The following DCC variants were observed in gnomAD, a reference collection of about 807,000 sequenced individuals.
The protein encoded by DCC is DCC netrin 1 receptor, also known as netrin receptor DCC.
Under a neutral mutation model 172.5 loss-of-function variants are expected in DCC, and 58 were observed. That is an observed-to-expected ratio of 0.34 (90% CI 0.27 to 0.42). The LOEUF (loss-of-function observed/expected upper bound fraction) is 0.42. Among genes scored for constraint, DCC ranks in the 10% least tolerant of loss-of-function variants. DCC has a pLI of 1.00. For synonymous variants in DCC, 709 were observed against 644.5 expected (o/e 1.10, Z -1.52); for missense variants, 1,740 against 1,791.0 (o/e 0.97, Z 0.51).
At chr18:53,287,369 T>C (rs1008586267) in intron 12 of DCC, among the ~76,000 whole-genome samples, 1 of 152,236 alleles carries the variant, frequency 6.6e-6, no homozygotes, top group Non-Finnish European at 1.5e-5. Flanking sequence ...TACATTTTGT[T>C]TACCCATTCA....
At chr18:52,375,863 G>T (rs1304679303) in intron 1 of DCC, among the ~76,000 whole-genome samples, 1 of 152,198 alleles carries the variant, frequency 6.6e-6, no homozygotes, top group African/African-American at 2.4e-5. Flanking sequence ...CCCCAGGCTA[G>T]AAAAAGTTTT....
intron 1 of DCC, among the ~76,000 whole-genome samples, chr18:52,425,394 T>C (rs956853089): frequency 6.6e-6 from 1 of 152,114 alleles, no homozygotes; most frequent in Non-Finnish European, 1.5e-5. Flanking sequence ...GTTCCCTACC[T>C]AAACCAGAGC....
intron 2 of DCC, among the ~76,000 whole-genome samples, chr18:52,843,119 C>G (rs1261071186): frequency 1.3e-5 from 2 of 151,988 alleles, no homozygotes; most frequent in East Asian, 3.9e-4. Flanking sequence ...GGAAGAGGTC[C>G]TAGAGAAAGA....
intron 1 of DCC, among the ~76,000 whole-genome samples, chr18:52,680,635 A>G (rs1414149998): frequency 1.3e-5 from 2 of 152,150 alleles, no homozygotes; most frequent in Non-Finnish European, 2.9e-5. Context: ...CATTATCCCC[A>G]TGGAACAACA....
rs367877222 is a variant in DCC, at chr18:53,530,554, C to T, written c.4255-10C>T. 2.8e-6 allele frequency: 4 copies of T among 1,453,370 alleles called. No individual in the cohort carries two copies. The highest frequency in any genetic ancestry group is 2.3e-5 in the East Asian group (1 of 44,164). 90.0% of individuals were successfully genotyped at this position (1,453,370 alleles called of 1,614,324 possible). A position where few individuals can be genotyped will look rare whatever the true frequency, so the allele number is the denominator to read the frequency against. On this transcript the variant is annotated splice_polypyrimidine_tract_variant and intron_variant, in intron 28 of 28. Transcript: ENST00000442544. The stretch of plus-strand genomic sequence containing the variant: ...TTGTTACTAACTCTTGGCTCTCATT[C>T]TCTTTATAGGTGTATGAACAGGATG...
chr18:52,914,890 A>G (rs28391855), intron 3 of DCC, among the ~76,000 whole-genome samples: 60,450 of 151,936 alleles, frequency 0.4, 12,590 homozygotes, highest in Non-Finnish European at 0.47. Flanking sequence ...AAATCAAAGA[A>G]AATACCCCAC....
rs8096235 is a variant in DCC at position 53,089,587 on chromosome 18, C to A, written c.1261+23421C>A. Among the ~76,000 whole-genome samples, 86 of 114,028 alleles carry A rather than the reference C, an allele frequency of 7.5e-4. 1 individual carries two copies. Among genetic ancestry groups the A allele is most frequent in the Middle Eastern group, 4.2e-3 (1 of 240 alleles). The allele number at this position is 114,028 out of a possible 152,430, so 74.8% of individuals were successfully genotyped here. A position where few individuals can be genotyped will look rare whatever the true frequency, so the allele number is the denominator to read the frequency against. ...TTTTTCCTCCTAACTAAAAAAAAAACCAAAAAACAAAAAACAAAAAACAAA... is the reference window on the plus strand; with the variant it reads ...TTTTTCCTCCTAACTAAAAAAAAAAACAAAAAACAAAAAACAAAAAACAAA... On this transcript the variant is annotated intron_variant, in intron 7 of 28. Coordinates refer to ENST00000442544, the MANE Select transcript of DCC (RefSeq NM_005215.4).
intron 1 of DCC, among the ~76,000 whole-genome samples, chr18:52,448,212 C>T (rs1472547542): frequency 6.6e-6 from 1 of 152,180 alleles, no homozygotes; most frequent in Admixed American, 6.5e-5. Flanking sequence ...GAGGGATCGA[C>T]ATTGTGTGCT....
intron 2 of DCC, among the ~76,000 whole-genome samples, chr18:52,849,962 A>G (rs1403563470): frequency 6.6e-6 from 1 of 152,194 alleles, no homozygotes; most frequent in African/African-American, 2.4e-5. Context: ...TCATGAGAGA[A>G]AACTATTGCT....
At chr18:52,456,158 G>A (rs908858351) in intron 1 of DCC, among the ~76,000 whole-genome samples, 1 of 151,984 alleles carries the variant, frequency 6.6e-6, no homozygotes, top group Non-Finnish European at 1.5e-5. Flanking sequence ...ATATATTGTA[G>A]GTGTCCATTT....
At chr18:52,638,128 G>T (rs2034817379) in intron 1 of DCC, among the ~76,000 whole-genome samples, 2 of 152,136 alleles carry the variant, frequency 1.3e-5, no homozygotes, top group South Asian at 4.1e-4. Context: ...GGGAGAATTT[G>T]CCATTACCAA....
At chr18:53,245,506 A>G (rs1412473534) in intron 12 of DCC, among the ~76,000 whole-genome samples, 5 of 152,122 alleles carry the variant, frequency 3.3e-5, no homozygotes, top group African/African-American at 1.2e-4. Context: ...TAGCATATGA[A>G]TAGAATTATG....
At chr18:53,247,767 G>T (rs1189446954) in intron 12 of DCC, among the ~76,000 whole-genome samples, 2 of 151,996 alleles carry the variant, frequency 1.3e-5, no homozygotes, top group East Asian at 3.9e-4. Flanking sequence ...TTGGAAACTA[G>T]TCTATTTGGT....
At chr18:53,077,927 T>A (rs1209533985) in intron 7 of DCC, among the ~76,000 whole-genome samples, 1 of 152,178 alleles carries the variant, frequency 6.6e-6, no homozygotes, top group South Asian at 2.1e-4. Flanking sequence ...AACTTTCCAA[T>A]ATGATAGGGC....
At chr18:53,292,571 C>T (rs1373149160) in intron 12 of DCC, among the ~76,000 whole-genome samples, 2 of 152,144 alleles carry the variant, frequency 1.3e-5, no homozygotes, top group Non-Finnish European at 2.9e-5. Flanking sequence ...CATCTGTAAT[C>T]CCAGCTACTA....
At chr18:53,424,358 C>T (rs1910789985) in intron 21 of DCC, among the ~76,000 whole-genome samples, 1 of 152,112 alleles carries the variant, frequency 6.6e-6, no homozygotes, top group South Asian at 2.1e-4. Flanking sequence ...ACTGTGCTGG[C>T]ACTAGAAACA....
intron 1 of DCC, among the ~76,000 whole-genome samples, chr18:52,535,008 C>T (rs575946581): frequency 2.0e-5 from 3 of 152,236 alleles, no homozygotes; most frequent in African/African-American, 7.2e-5. Flanking sequence ...CACTTTCCCC[C>T]ATCTCCCCCT....
intron 12 of DCC, among the ~76,000 whole-genome samples, chr18:53,283,463 T>A (rs2056896560): frequency 6.6e-6 from 1 of 152,168 alleles, no homozygotes; most frequent in African/African-American, 2.4e-5. Flanking sequence ...TTTACTGATT[T>A]GATGTATATT....
chr18:53,390,914 G>A (rs145031443), intron 16 of DCC, among the ~76,000 whole-genome samples: 118 of 152,294 alleles, frequency 7.7e-4, no homozygotes, highest in African/African-American at 2.7e-3. Flanking sequence ...TACTCTGTGA[G>A]AATGTGGGTA....
Sources: gnomAD v4.1 joint callset for allele counts (sites outside exome capture counted in the v4.1 genomes callset) on GRCh38, gnomAD v4.1.1 for gene constraint, MANE v1.5 for transcripts, NCBI Gene and HGNC (gene_info 2026-07-23, HGNC 2026-07-21) for gene names.